The following BLOC1S3 variants were observed in gnomAD, a reference collection of about 807,000 sequenced individuals.
BLOC1S3 encodes the protein biogenesis of lysosomal organelles complex 1 subunit 3, also known as biogenesis of lysosome-related organelles complex 1 subunit 3.
A neutral mutation model predicts 9.1 loss-of-function variants in BLOC1S3; 7 were observed. The ratio of observed to expected loss-of-function variants is 0.77; its 90% CI spans 0.44 to 1.45. The LOEUF is 1.45. Ranked by LOEUF, BLOC1S3 falls within the 40% of genes most tolerant of loss-of-function variation. The probability of loss-of-function intolerance (pLI) is 0.01; values close to 1 mark genes in which losing one functional copy is unlikely to be tolerated. For synonymous variants in BLOC1S3, 145 were observed against 158.4 expected, an observed-to-expected ratio of 0.92 and a Z score of 0.64; for missense variants, 307 against 315.2, an observed-to-expected ratio of 0.97 and a Z score of 0.20.
Position 45,181,378 on chromosome 19 carries a change from C to G in BLOC1S3, c.*1473C>G, listed in dbSNP as rs1329444511. 1 of 167,198 alleles carries G rather than the reference C, an allele frequency of 6.0e-6. No individual in the cohort carries two copies. Among genetic ancestry groups the G allele is most frequent in the Non-Finnish European group, 1.5e-5 (1 of 68,188 alleles). 10.4% of individuals were successfully genotyped at this position (167,198 alleles called of 1,614,324 possible). A position where few individuals can be genotyped will look rare whatever the true frequency, so the allele number is the denominator to read the frequency against. On this transcript the variant is annotated 3_prime_UTR_variant, in exon 2 of 2. Transcript: ENST00000433642. ...CCCCTCCAGGCCAAGATGATGCTCGCTCTCAACTCTGTAGGCCAAGGTGGC... is the reference window on the plus strand; with the variant it reads ...CCCCTCCAGGCCAAGATGATGCTCGGTCTCAACTCTGTAGGCCAAGGTGGC...
intron 3 of BLOC1S3, among the ~76,000 whole-genome samples, chr19:45,206,462 T>TTTTTTGTTTTTTG (rs1555754634): frequency 6.9e-5 from 8 of 115,446 alleles, no homozygotes; most frequent in Non-Finnish European, 8.8e-5. Flanking sequence ...TTTTTTTTTT[T>TTTTTTGTTTTTTG]TTTTTTTTTT....
chr19:45,190,488 C>T (rs766685028), intron 2 of BLOC1S3, among the ~76,000 whole-genome samples: 2 of 151,944 alleles, frequency 1.3e-5, no homozygotes, highest in East Asian at 1.9e-4. Flanking sequence ...CAACCTCCAC[C>T]TCCTGCGCTC....
In BLOC1S3 at chr19:45,179,591, GC is replaced by G; in HGVS notation, c.299del (p.Pro100ArgfsTer29). 3 of 1,480,284 alleles carry G rather than the reference GC, an allele frequency of 2.0e-6. No homozygotes were observed. Among genetic ancestry groups the G allele is most frequent in the South Asian group, 1.3e-5 (1 of 78,216 alleles). 91.7% of individuals were successfully genotyped at this position (1,480,284 alleles called of 1,614,324 possible). A position where few individuals can be genotyped will look rare whatever the true frequency, so the allele number is the denominator to read the frequency against. ...GGAGGAGGCCTGGGGCACGGAGGAG[GC>G]CCCGGCGCCCGCCCCCGCGCGCTCG... ...SAEEAWGTEE[A>X]PAPAPARSLL... On this transcript the variant is annotated frameshift_variant, in exon 2 of 2. Coordinates refer to ENST00000433642, the MANE Select transcript of BLOC1S3 (RefSeq NM_212550.5). LOFTEE classifies it high-confidence loss of function. The surrounding 1 kb of genome is among the most constrained non-coding windows in gnomAD (Gnocchi z 4.6).
Position 45,180,235 on chromosome 19 carries a change from ATTTTTT to A in BLOC1S3, c.*349_*354del, listed in dbSNP as rs34965337. ...CTGTTTCCACCCTGGGGGCTCACCA[ATTTTTT>A]TTTTTTTTTTTTTTTTTTGGAGACA... On this transcript the variant is annotated 3_prime_UTR_variant, in exon 2 of 2. Transcript: ENST00000433642. 6 of 90,522 alleles carry A rather than the reference ATTTTTT, an allele frequency of 6.6e-5. No homozygotes were observed. The highest frequency in any genetic ancestry group is 2.7e-4 in the East Asian group (1 of 3,766). The allele number at this position is 90,522 out of a possible 1,614,324, so 5.6% of individuals were successfully genotyped here.
At chr19:45,195,262 G>A (rs552150240) in intron 2 of BLOC1S3, among the ~76,000 whole-genome samples, 2 of 152,080 alleles carry the variant, frequency 1.3e-5, no homozygotes, top group East Asian at 1.9e-4. Context: ...CCTAAGGTGC[G>A]GTGGCATGGT....
intron 3 of BLOC1S3, chr19:45,213,235 C>A: frequency 1.2e-6 from 2 of 1,612,824 alleles, no homozygotes; most frequent in Non-Finnish European, 1.7e-6. Flanking sequence ...GGCACGGTCC[C>A]GAGGGGGTGA....
chr19:45,205,875 A>G (rs1159895383), intron 3 of BLOC1S3, among the ~76,000 whole-genome samples: 1 of 152,220 alleles, frequency 6.6e-6, no homozygotes, highest in Non-Finnish European at 1.5e-5. Flanking sequence ...GCAGATGACA[A>G]ACAAGTACAC....
In BLOC1S3 at chr19:45,206,462, T is replaced by TTTTTTTTTTTTTTG. The variant is rs970984062; in HGVS notation, n.282+3966_282+3967insTTGTTTTTTTTTTT. Among the ~76,000 whole-genome samples, 1,015 of 115,290 alleles carry TTTTTTTTTTTTTTG rather than the reference T, an allele frequency of 8.8e-3. 105 individuals are homozygous for TTTTTTTTTTTTTTG. The highest frequency in any genetic ancestry group is 0.013 in the Non-Finnish European group (760 of 56,462). 75.6% of individuals were successfully genotyped at this position (115,290 alleles called of 152,430 possible). Reference sequence around the variant, plus strand: ...TTGGATTAATCAAGTTTTTTTTTTTTTTTTTTTTTTTGAGCAAGGATCTCA... The same window carrying TTTTTTTTTTTTTTG: ...TTGGATTAATCAAGTTTTTTTTTTTTTTTTTTTTTTTTTGTTTTTTTTTTTGAGCAAGGATCTCA... On this transcript the variant is annotated intron_variant and non_coding_transcript_variant, in intron 3 of 3. Coordinates refer to the BLOC1S3 transcript ENST00000591569.
chr19:45,203,802 GCA>G (rs1052902304), intron 3 of BLOC1S3, among the ~76,000 whole-genome samples: 43 of 152,176 alleles, frequency 2.8e-4, no homozygotes, highest in African/African-American at 1.0e-3. Flanking sequence ...TACCCCAAAT[GCA>G]CAGATTCTCT....
chr19:45,207,718 CAG>C (rs920701919), intron 3 of BLOC1S3, among the ~76,000 whole-genome samples: 1 of 151,954 alleles, frequency 6.6e-6, no homozygotes, highest in African/African-American at 2.4e-5. Context: ...GCCTGGGAGA[CAG>C]AGCGAGACTC....
At chr19:45,200,412 G>A (rs938040678) in intron 2 of BLOC1S3, among the ~76,000 whole-genome samples, 3 of 151,934 alleles carry the variant, frequency 2.0e-5, no homozygotes, top group South Asian at 2.1e-4. Flanking sequence ...TTGATCTCAT[G>A]ACCTCGTGAT....
intron 3 of BLOC1S3, among the ~76,000 whole-genome samples, chr19:45,205,721 A>G (rs1969721171): frequency 6.6e-6 from 1 of 152,230 alleles, no homozygotes; most frequent in Admixed American, 6.6e-5. Context: ...ACAGTGGGAG[A>G]AAATATTTGC....
intron 2 of BLOC1S3, among the ~76,000 whole-genome samples, chr19:45,190,889 T>A (rs1969602218): frequency 6.7e-6 from 1 of 150,232 alleles, no homozygotes; most frequent in African/African-American, 2.4e-5. Flanking sequence ...CACTGCAAGC[T>A]CTGCCTCCCA....
At chr19:45,209,384 A>G (rs982845046) in intron 3 of BLOC1S3, among the ~76,000 whole-genome samples, 1 of 151,658 alleles carries the variant, frequency 6.6e-6, no homozygotes, top group South Asian at 2.1e-4. Context: ...TATACTTGAA[A>G]ATTTCGAAGA....
intron 3 of BLOC1S3, chr19:45,212,917 C>T (rs1969790737): frequency 4.6e-6 from 4 of 862,216 alleles, no homozygotes; most frequent in Non-Finnish European, 6.6e-6. Context: ...CCCTTCTGTA[C>T]AGGGAGTTTG....
chr19:45,186,199 C>T (rs1599749655), downstream of BLOC1S3, among the ~76,000 whole-genome samples: 1 of 152,000 alleles, frequency 6.6e-6, no homozygotes, highest in Non-Finnish European at 1.5e-5. Flanking sequence ...ACTCTGTGTC[C>T]CCAGCACCAC....
chr19:45,179,400 A>C lies in BLOC1S3; in HGVS notation c.104A>C (p.Glu35Ala), dbSNP rs760982368. The C allele has an allele frequency of 8.9e-6, 14 of 1,569,546 alleles. 1 individual carries two copies. In the Middle Eastern group the frequency reaches 1.7e-3, roughly 188 times the overall value. ...TDSERSASSS[E>A]EEELYLGPSG... is the part of the protein sequence containing the mutation. Reference sequence around the variant, plus strand: ...TCCGAGCGCTCTGCGTCCTCGTCGGAGGAGGAGGAGCTGTACCTGGGTCCT... The same window carrying C: ...TCCGAGCGCTCTGCGTCCTCGTCGGCGGAGGAGGAGCTGTACCTGGGTCCT... The change falls in exon 2 of 2, where the codon GAG becomes GCG. Residue 35 changes from glutamate (E) to alanine (A), a missense_variant. Physicochemically the swap from Glu to Ala is moderately radical, Grantham distance 107. Coordinates refer to ENST00000433642, the MANE Select transcript of BLOC1S3 (RefSeq NM_212550.5). The surrounding 1 kb of genome is among the most constrained non-coding windows in gnomAD (Gnocchi z 4.6).
chr19:45,179,671 G>T lies in BLOC1S3; in HGVS notation c.375G>T (p.Ala125=). 1 of 1,466,586 alleles carries T rather than the reference G, an allele frequency of 6.8e-7. No individual in the cohort carries two copies. The highest frequency in any genetic ancestry group is 9.0e-7 in the Non-Finnish European group (1 of 1,114,850). The allele number at this position is 1,466,586 out of a possible 1,614,324, so 90.8% of individuals were successfully genotyped here. ...ESQARLDHDV[A]AAVSGVYRRA... is the part of the protein sequence containing the mutation. ...AGGCGCGGCTGGACCACGACGTGGC[G>T]GCCGCCGTGAGCGGTGTCTACCGCC... Residue 125 remains alanine (A), a synonymous_variant, in exon 2 of 2, where the codon GCG becomes GCT. Transcript: ENST00000433642. This position sits in a 1 kb window ranked among gnomAD's most constrained non-coding sequence, Gnocchi z 4.6.
intron 3 of BLOC1S3, among the ~76,000 whole-genome samples, chr19:45,214,824 A>T (rs1342674163): frequency 2.0e-5 from 3 of 152,000 alleles, no homozygotes; most frequent in African/African-American, 7.2e-5. Context: ...CACCTTTGCC[A>T]CTTGCTAGGC....
Sources: allele counts gnomAD v4.1 joint callset (sites outside exome capture counted in the v4.1 genomes callset), GRCh38; gene constraint gnomAD v4.1.1; non-coding constraint Gnocchi (gnomAD v3.1); transcripts MANE v1.5; gene names NCBI Gene and HGNC (gene_info 2026-07-23, HGNC 2026-07-21).